Variants in GSKIP observed in about 807,000 individuals in gnomAD.
GSKIP encodes GSK3B interacting protein.
In GSKIP, 5 loss-of-function variants were observed where a neutral mutation model predicts 11.9. The observed-to-expected ratio is 0.42, with a 90% CI of 0.22 to 0.89. GSKIP has a LOEUF of 0.89. Among genes scored for constraint, GSKIP ranks in the 40% least tolerant of loss-of-function variants. The pLI, the probability that GSKIP is intolerant of heterozygous loss-of-function variation, is 0.29. For synonymous variants in GSKIP, 70 were observed against 62.9 expected, an observed-to-expected ratio of 1.11 and a Z score of -0.54; for missense variants, 150 against 166.6, an observed-to-expected ratio of 0.90 and a Z score of 0.55.
chr14:96,380,208 A>G (rs916122708), intron 2 of GSKIP: 1 of 152,230 alleles, frequency 6.6e-6, no homozygotes, highest in Non-Finnish European at 1.5e-5. Flanking sequence ...CTAATTCTGT[A>G]AAGTGCTGTG....
chr14:96,363,767 C>T (rs1888773427), intron 1 of GSKIP, 199 bp downstream of exon 1: 1 of 152,346 alleles, frequency 6.6e-6, no homozygotes. Flanking sequence ...CGGCCTGGCT[C>T]TCCCGGCTCC....
chr14:96,369,648 T>C (rs866407085), intron 1 of GSKIP, among the ~76,000 whole-genome samples: 36 of 152,164 alleles, frequency 2.4e-4, no homozygotes, highest in African/African-American at 8.0e-4. Flanking sequence ...GCAGCTTCTA[T>C]GTGTTGTTAG....
intron 1 of GSKIP, among the ~76,000 whole-genome samples, chr14:96,368,117 C>A (rs556148966): frequency 1.4e-4 from 21 of 144,912 alleles, no homozygotes; most frequent in Non-Finnish European, 2.7e-4. Context: ...TTTTGAGTGT[C>A]TTTTCCTAGA....
intron 1 of GSKIP, among the ~76,000 whole-genome samples, chr14:96,367,964 C>T (rs1340731126): frequency 6.6e-6 from 1 of 151,902 alleles, no homozygotes; most frequent in Non-Finnish European, 1.5e-5. Context: ...GTGAGGTTTT[C>T]TATTTTATGT....
At chr14:96,377,455 A>G (rs1368074744) in intron 1 of GSKIP, among the ~76,000 whole-genome samples, 2 of 152,198 alleles carry the variant, frequency 1.3e-5, no homozygotes, top group African/African-American at 2.4e-5. Context: ...CTCATCCTCA[A>G]TGGTACAGGC....
At chr14:96,373,919 T>C (rs1195259144) in intron 1 of GSKIP, among the ~76,000 whole-genome samples, 1 of 152,196 alleles carries the variant, frequency 6.6e-6, no homozygotes, top group Non-Finnish European at 1.5e-5. Context: ...TAAAATAATA[T>C]AAAAACATTC....
intron 3 of GSKIP, among the ~76,000 whole-genome samples, chr14:96,383,414 T>C (rs1041408449): frequency 1.3e-5 from 2 of 152,030 alleles, no homozygotes; most frequent in African/African-American, 2.4e-5. Context: ...AAAAAACTAT[T>C]ATAAAATCTT....
At chr14:96,366,054 T>A (rs912874908) in intron 1 of GSKIP, among the ~76,000 whole-genome samples, 10 of 152,036 alleles carry the variant, frequency 6.6e-5, no homozygotes, top group African/African-American at 2.4e-4. Flanking sequence ...GCGGTAGCGG[T>A]GAAAATGATT....
intron 1 of GSKIP, among the ~76,000 whole-genome samples, chr14:96,368,246 G>A (rs967616221): frequency 9.4e-5 from 14 of 149,684 alleles, no homozygotes; most frequent in African/African-American, 1.2e-4. Context: ...GCAGTGGCAC[G>A]ATAGCTCATT....
At chr14:96,384,800 A>T (rs1219668877) in intron 3 of GSKIP, 1 of 152,118 alleles carries the variant, frequency 6.6e-6, no homozygotes, top group Admixed American at 6.5e-5. Flanking sequence ...ATACCTCCAG[A>T]AATAGTGTAC....
rs1889511785 is a variant in GSKIP at position 96,387,130 on chromosome 14, C to G, written c.*1446C>G. 1 of 152,152 alleles carries G rather than the reference C, an allele frequency of 6.6e-6. No homozygotes were observed. Among genetic ancestry groups the G allele is most frequent in the Non-Finnish European group, 1.5e-5 (1 of 68,028 alleles). 9.4% of individuals were successfully genotyped at this position (152,152 alleles called of 1,614,324 possible). On this transcript the variant is annotated 3_prime_UTR_variant, in exon 4 of 4. Coordinates refer to ENST00000555181, the MANE Select transcript of GSKIP (RefSeq NM_016472.5). The stretch of plus-strand genomic sequence containing the variant: ...TTAACTGGGCAACGAAGTCTAACTT[C>G]AGGTTGAACTTTCTCATGTTTAATC...
chr14:96,385,113 A>G (rs918162501), intron 3 of GSKIP, among the ~76,000 whole-genome samples: 10 of 152,212 alleles, frequency 6.6e-5, no homozygotes, highest in Non-Finnish European at 1.5e-4. Flanking sequence ...AGTACTTAAT[A>G]TAGTGGACCC....
At chr14:96,372,330 T>C (rs532345027) in intron 1 of GSKIP, among the ~76,000 whole-genome samples, 1 of 152,350 alleles carries the variant, frequency 6.6e-6, no homozygotes, top group African/African-American at 2.4e-5. Flanking sequence ...GGCTCCCATC[T>C]TCATGGGTCT....
Position 96,385,825 on chromosome 14 carries a change from A to G in GSKIP, c.*141A>G. On this transcript the variant is annotated 3_prime_UTR_variant, in exon 4 of 4. Transcript: ENST00000555181. ...CTTCCAACTTAGGCTTTTGGCTCAG[A>G]AGATTATTGAATAATGATTTGTCTT... 3.3e-6 allele frequency: 2 copies of G among 609,534 alleles called. No homozygotes were observed. Among genetic ancestry groups the G allele is most frequent in the South Asian group, 4.4e-5 (2 of 45,320 alleles). 37.8% of individuals were successfully genotyped at this position (609,534 alleles called of 1,614,324 possible).
At chr14:96,368,178 G>T (rs1888947656) in intron 1 of GSKIP, among the ~76,000 whole-genome samples, 1 of 145,874 alleles carries the variant, frequency 6.9e-6, no homozygotes, top group African/African-American at 2.5e-5. Flanking sequence ...AGGTTGTATT[G>T]CTACTCTTTT....
intron 1 of GSKIP, 76 bp from the exon 2 acceptor site, chr14:96,379,612 A>T (rs1488587393): frequency 6.6e-6 from 1 of 152,196 alleles, no homozygotes; most frequent in Non-Finnish European, 1.5e-5. Flanking sequence ...TCTAAATTGT[A>T]TGTTATTCAA....
intron 1 of GSKIP, among the ~76,000 whole-genome samples, chr14:96,372,333 A>C (rs1474664428): frequency 6.6e-6 from 1 of 152,172 alleles, no homozygotes; most frequent in East Asian, 1.9e-4. Context: ...TCCCATCTTC[A>C]TGGGTCTGTA....
intron 1 of GSKIP, among the ~76,000 whole-genome samples, chr14:96,377,507 A>T (rs1889234095): frequency 1.3e-5 from 2 of 152,234 alleles, no homozygotes; most frequent in Non-Finnish European, 2.9e-5. Flanking sequence ...CAGAAAATAT[A>T]TCTATATTCC....
rs751365117 is a variant in GSKIP at position 96,382,358 on chromosome 14, T to C, written c.111T>C (p.Ala37=). 12 of 1,613,912 alleles carry C rather than the reference T, an allele frequency of 7.4e-6. No homozygotes were observed. Among genetic ancestry groups the C allele is most frequent in the Non-Finnish European group, 8.5e-6 (10 of 1,179,960 alleles). Residue 37 remains alanine, a synonymous_variant, in exon 3 of 4, where the codon GCT becomes GCC. Coordinates refer to ENST00000555181, the MANE Select transcript of GSKIP (RefSeq NM_016472.5). Reference sequence around the variant, plus strand: ...ACATGAAAGACATGAGGCTCGAAGCTGAAGCAGTTGTAAATGATGTTCTCT... The same window carrying C: ...ACATGAAAGACATGAGGCTCGAAGCCGAAGCAGTTGTAAATGATGTTCTCT... ...GTDMKDMRLE[A]EAVVNDVLFA...
Sources: gnomAD v4.1 joint callset for allele counts (sites outside exome capture counted in the v4.1 genomes callset) on GRCh38, gnomAD v4.1.1 for gene constraint, MANE v1.5 for transcripts, NCBI Gene and HGNC (gene_info 2026-07-23, HGNC 2026-07-21) for gene names.